Variants in SLC4A4 observed in about 807,000 individuals in gnomAD.
The protein encoded by SLC4A4 is solute carrier family 4 member 4.
In SLC4A4, 27 loss-of-function variants were observed where a neutral mutation model predicts 111.5. The observed-to-expected ratio is 0.24, with a 90% CI of 0.18 to 0.33. The LOEUF is 0.33. Ranked by LOEUF, SLC4A4 falls within the 10% of genes least tolerant of loss-of-function variation. The pLI is 1.00. For missense variants in SLC4A4, 909 were observed against 1,315.5 expected, an observed-to-expected ratio of 0.69 and a Z score of 4.78; for synonymous variants, 443 against 463.4, an observed-to-expected ratio of 0.96 and a Z score of 0.57.
chr4:71,421,785 C>T (rs1722537175), intron 7 of SLC4A4, among the ~76,000 whole-genome samples: 1 of 151,904 alleles, frequency 6.6e-6, no homozygotes, highest in Non-Finnish European at 1.5e-5. Flanking sequence ...TCTTTGAAAC[C>T]AATGAGAAAA....
intron 2 of SLC4A4, among the ~76,000 whole-genome samples, chr4:71,246,236 A>C (rs1720646372): frequency 6.6e-6 from 1 of 152,220 alleles, no homozygotes; most frequent in South Asian, 2.1e-4. Flanking sequence ...AATTTAGTTC[A>C]ATAGGCTAGA....
intron 3 of SLC4A4, among the ~76,000 whole-genome samples, chr4:71,301,798 G>A (rs1040535477): frequency 6.6e-5 from 10 of 152,138 alleles, no homozygotes; most frequent in African/African-American, 1.4e-4. Flanking sequence ...GGACAATAGC[G>A]AGCCATCCCA....
intron 3 of SLC4A4, among the ~76,000 whole-genome samples, chr4:71,305,026 A>G (rs1216715251): frequency 6.6e-6 from 1 of 152,260 alleles, no homozygotes; most frequent in Non-Finnish European, 1.5e-5. Flanking sequence ...TGATGGGAAT[A>G]TCAATACATA....
At chr4:71,252,604 CCA>C (rs1385530600) in intron 2 of SLC4A4, among the ~76,000 whole-genome samples, 2 of 152,144 alleles carry the variant, frequency 1.3e-5, no homozygotes, top group African/African-American at 4.8e-5. Flanking sequence ...TCTTCCTCAT[CCA>C]GGGAATATTG....
chr4:71,505,342 A>G (rs1228966233), intron 16 of SLC4A4, among the ~76,000 whole-genome samples: 2 of 152,088 alleles, frequency 1.3e-5, no homozygotes, highest in African/African-American at 4.8e-5. Flanking sequence ...TTTTCTCCAC[A>G]ACTTTGCCAG....
At chr4:71,341,225 G>A (rs1206801867) in intron 4 of SLC4A4, among the ~76,000 whole-genome samples, 3 of 152,056 alleles carry the variant, frequency 2.0e-5, no homozygotes, top group Admixed American at 6.5e-5. Context: ...GAGCAAATGA[G>A]GATCTTACAT....
Position 71,568,110 on chromosome 4 carries a change from C to A in SLC4A4, c.*359C>A. The A allele has an allele frequency of 2.3e-6, 1 of 437,032 alleles. No homozygotes were observed. The highest frequency in any genetic ancestry group is 4.1e-6 in the Non-Finnish European group (1 of 246,646). The allele number at this position is 437,032 out of a possible 1,614,324, so 27.1% of individuals were successfully genotyped here. A position where few individuals can be genotyped will look rare whatever the true frequency, so the allele number is the denominator to read the frequency against. ...GAGGAATCCCCCTTTTGTTCTTAAACTTTCAGATGTGTCCTTTGATAACCA... is the reference window on the plus strand; with the variant it reads ...GAGGAATCCCCCTTTTGTTCTTAAAATTTCAGATGTGTCCTTTGATAACCA... On this transcript the variant is annotated 3_prime_UTR_variant, in exon 26 of 26. Transcript: ENST00000264485.
intron 2 of SLC4A4, among the ~76,000 whole-genome samples, chr4:71,124,070 C>T (rs964136316): frequency 1.5e-4 from 23 of 151,984 alleles, no homozygotes; most frequent in Middle Eastern, 3.2e-3. Context: ...GGTTGTGGCA[C>T]TTTAGCACCC....
At chr4:71,537,324 T>TATATTATACATATATGTGTATATGTAC (rs1734601172) in intron 18 of SLC4A4, among the ~76,000 whole-genome samples, 1 of 136,246 alleles carries the variant, frequency 7.3e-6, no homozygotes, top group East Asian at 2.2e-4. Context: ...TATGTCTACA[T>TATATTATACATATATGTGTATATGTAC]ATATGTGTGT....
At chr4:71,540,105 C>G (rs1293647238) in intron 18 of SLC4A4, among the ~76,000 whole-genome samples, 3 of 152,130 alleles carry the variant, frequency 2.0e-5, no homozygotes, top group African/African-American at 4.8e-5. Flanking sequence ...AATTTGTGTA[C>G]AAGTCTGTGT....
intron 2 of SLC4A4, among the ~76,000 whole-genome samples, chr4:71,176,119 C>T (rs1254918354): frequency 6.6e-6 from 1 of 152,194 alleles, no homozygotes; most frequent in African/African-American, 2.4e-5. Flanking sequence ...AGCTGAGGGT[C>T]CTGACTGTTA....
intron 2 of SLC4A4, among the ~76,000 whole-genome samples, chr4:71,177,472 G>A (rs1225182695): frequency 6.6e-6 from 1 of 152,082 alleles, no homozygotes; most frequent in Non-Finnish European, 1.5e-5. Context: ...CAAAATAAAG[G>A]GATGGAGGAA....
At chr4:71,331,975 G>C (rs999736352) in intron 3 of SLC4A4, among the ~76,000 whole-genome samples, 3 of 152,098 alleles carry the variant, frequency 2.0e-5, no homozygotes, top group Admixed American at 6.5e-5. Flanking sequence ...ATAGTTGCTC[G>C]TAGTAGTTTG....
chr4:71,526,622 C>A lies in SLC4A4; in HGVS notation c.2167-5440C>A, dbSNP rs114532545. Among the ~76,000 whole-genome samples, 586 of 152,136 alleles carry A rather than the reference C, an allele frequency of 3.9e-3. 7 individuals are homozygous for A. Among genetic ancestry groups the A allele is most frequent in the African/African-American group, 0.013 (557 of 41,490 alleles). On this transcript the variant is annotated intron_variant, in intron 16 of 25. Coordinates refer to ENST00000264485, the MANE Select transcript of SLC4A4 (RefSeq NM_001098484.3). Reference sequence around the variant, plus strand: ...CTGTTTGTTTATATGTTATTAGTTTCTATGGCTGTTTTGTCAAGTCACCAC... The same window carrying A: ...CTGTTTGTTTATATGTTATTAGTTTATATGGCTGTTTTGTCAAGTCACCAC...
At chr4:71,430,119 AC>A (rs1290280600) in intron 7 of SLC4A4, among the ~76,000 whole-genome samples, 1 of 152,052 alleles carries the variant, frequency 6.6e-6, no homozygotes, top group Non-Finnish European at 1.5e-5. Flanking sequence ...TTAGAGAAGA[AC>A]CTTTTTTGAA....
intron 3 of SLC4A4, among the ~76,000 whole-genome samples, chr4:71,262,857 C>T (rs897078107): frequency 4.6e-5 from 7 of 151,502 alleles, no homozygotes; most frequent in African/African-American, 1.7e-4. Flanking sequence ...TGTATCTAGC[C>T]AACAATTCTT....
intron 15 of SLC4A4, among the ~76,000 whole-genome samples, chr4:71,488,060 C>T (rs1352373030): frequency 1.3e-5 from 2 of 151,248 alleles, no homozygotes; most frequent in Admixed American, 6.6e-5. Flanking sequence ...TGCCTAAATA[C>T]AGGCAAAACT....
intron 12 of SLC4A4, among the ~76,000 whole-genome samples, chr4:71,459,327 C>G (rs1360561106): frequency 6.6e-6 from 1 of 151,774 alleles, no homozygotes; most frequent in African/African-American, 2.4e-5. Flanking sequence ...GTAGAAAATT[C>G]CAAAAATCCA....
rs536503727 is a variant in SLC4A4, at chr4:71,089,180, G to C, written c.-64-3550G>C. Among the ~76,000 whole-genome samples, 28 of 152,018 alleles carry C rather than the reference G, an allele frequency of 1.8e-4. 1 individual carries two copies. Among genetic ancestry groups the C allele is most frequent in the Admixed American group, 3.3e-4 (5 of 15,282 alleles). Reference sequence around the variant, plus strand: ...TGCATCACTGATACCCTTTCTTCCAGGTGATCGATCGGCTACTGAGGGTTG... The same window carrying C: ...TGCATCACTGATACCCTTTCTTCCACGTGATCGATCGGCTACTGAGGGTTG... On this transcript the variant is annotated intron_variant, in intron 1 of 26. Coordinates refer to the SLC4A4 transcript ENST00000649996.
Sources: gnomAD v4.1 joint callset for allele counts (sites outside exome capture counted in the v4.1 genomes callset) on GRCh38, gnomAD v4.1.1 for gene constraint, MANE v1.5 for transcripts, NCBI Gene and HGNC (gene_info 2026-07-23, HGNC 2026-07-21) for gene names.